ZC3H3: variants seen among roughly 807,000 people sequenced by gnomAD.
ZC3H3 encodes the protein zinc finger CCCH domain-containing protein 3.
In ZC3H3, 36 loss-of-function variants were observed where a neutral mutation model predicts 77.3. The ratio of observed to expected loss-of-function variants is 0.47; its 90% CI spans 0.36 to 0.61. ZC3H3 has a LOEUF of 0.61. Ranked by LOEUF, ZC3H3 falls within the 20% of genes least tolerant of loss-of-function variation. The pLI is 0.00. For synonymous variants in ZC3H3, 626 were observed against 555.2 expected, an observed-to-expected ratio of 1.13 and a Z score of -1.79; for missense variants, 1,331 against 1,312.2, an observed-to-expected ratio of 1.01 and a Z score of -0.22.
chr8:143,537,970 T>C, intron 2 of ZC3H3, 33 bp downstream of exon 2: 1 of 1,562,386 alleles, frequency 6.4e-7, no homozygotes, highest in East Asian at 2.2e-5. Context: ...TCACAGCCCC[T>C]CACACTCTAC....
intron 4 of ZC3H3, among the ~76,000 whole-genome samples, chr8:143,482,298 C>T (rs368126905): frequency 2.6e-5 from 4 of 152,232 alleles, no homozygotes; most frequent in African/African-American, 9.6e-5. Context: ...CTGGGGAGGC[C>T]GGCCCTACTT....
intron 4 of ZC3H3, among the ~76,000 whole-genome samples, chr8:143,485,304 G>A (rs111415029): frequency 9.5e-4 from 145 of 152,340 alleles, no homozygotes; most frequent in African/African-American, 3.2e-3. Flanking sequence ...TGGTGAGGCC[G>A]AGAACCCGGT....
rs1280289656 is a variant in ZC3H3 at position 143,460,289 on chromosome 8, TAAAA to T, written c.2307+5424_2307+5427del. 2.1e-4 allele frequency among the ~76,000 whole-genome samples: 32 copies of T among 150,260 alleles called. 1 individual carries two copies. Among genetic ancestry groups the T allele is most frequent in the Admixed American group, 7.9e-4 (12 of 15,146 alleles). ...ATAAATAAATAAATAAATAAATAAA[TAAAA>T]GGCATCCCAATTGAAAAGGAAGAAG... On this transcript the variant is annotated intron_variant, in intron 9 of 11. Transcript: ENST00000262577. The surrounding 1 kb of genome is among the most constrained non-coding windows in gnomAD (Gnocchi z 4.0).
At chr8:143,532,892 T>C (rs1822664060) in intron 3 of ZC3H3, among the ~76,000 whole-genome samples, 1 of 152,144 alleles carries the variant, frequency 6.6e-6, no homozygotes, top group South Asian at 2.1e-4. Flanking sequence ...TGGCTGTCTC[T>C]GGGGTCAGCC....
chr8:143,477,486 G>A (rs951424496), intron 4 of ZC3H3, among the ~76,000 whole-genome samples: 1 of 152,154 alleles, frequency 6.6e-6, no homozygotes, highest in African/African-American at 2.4e-5. Context: ...AGACCTCCAG[G>A]CTCTCATCAG....
Position 143,539,155 on chromosome 8 carries a change from C to G in ZC3H3, c.212G>C (p.Arg71Pro). Reference protein sequence around the residue: ...GYSSHHGPSWRKKYSLVNRPP... With the variant: ...GYSSHHGPSWPKKYSLVNRPP... Reference sequence around the variant, plus strand: ...CCGATTCACGAGGGAGTATTTCTTGCGCCACGAAGGCCCATGGTGGGAAGA... The same window carrying G: ...CCGATTCACGAGGGAGTATTTCTTGGGCCACGAAGGCCCATGGTGGGAAGA... Residue 71 changes from arginine (R) to proline (P), a missense_variant, in exon 2 of 12, where the codon CGC (arginine) becomes CCC (proline). Transcript: ENST00000262577. 6.2e-7 allele frequency: 1 copy of G among 1,612,932 alleles called. No individual in the cohort carries two copies. The highest frequency in any genetic ancestry group is 1.1e-5 in the South Asian group (1 of 91,080).
chr8:143,485,474 T>C (rs1294874489), intron 4 of ZC3H3, among the ~76,000 whole-genome samples: 1 of 152,176 alleles, frequency 6.6e-6, no homozygotes, highest in Non-Finnish European at 1.5e-5. Context: ...CAGGATCTCA[T>C]TTCAATACAT....
At position 143,462,486 on chromosome 8, in the gene ZC3H3, T is replaced by C. The variant is rs371526628; in HGVS notation, c.2307+3231A>G. ...GGCACCAACAGAGAAGCGCTGTATG[T>C]GAACAAAACCAAGACAGGCGCTGTC... On this transcript the variant is annotated intron_variant, in intron 9 of 11. Transcript: ENST00000262577. The surrounding 1 kb of genome is among the most constrained non-coding windows in gnomAD (Gnocchi z 4.7). Among the ~76,000 whole-genome samples the C allele has an allele frequency of 6.6e-6, 1 of 152,110 alleles. No homozygotes were observed. The highest frequency in any genetic ancestry group is 1.5e-5 in the Non-Finnish European group (1 of 68,038).
Position 143,528,807 on chromosome 8 carries a change from T to G in ZC3H3, c.1561+7450A>C, listed in dbSNP as rs529559053. Among the ~76,000 whole-genome samples the G allele has an allele frequency of 1.8e-4, 28 of 152,242 alleles. 1 individual carries two copies. Among genetic ancestry groups the G allele is most frequent in the African/African-American group, 6.7e-4 (28 of 41,550 alleles). On this transcript the variant is annotated intron_variant, in intron 3 of 11. Coordinates refer to ENST00000262577, the MANE Select transcript of ZC3H3 (RefSeq NM_015117.3). ...GGGGCCTCCTGAGGGAGCGAGGCCC[T>G]CCCTTCTGCCCAGGTCCAGTCCTCT...
At chr8:143,448,669 G>A (rs1819917665) in intron 9 of ZC3H3, among the ~76,000 whole-genome samples, 1 of 152,184 alleles carries the variant, frequency 6.6e-6, no homozygotes, top group Non-Finnish European at 1.5e-5. Flanking sequence ...GCTTTTCCAG[G>A]TGCATGGTGC....
chr8:143,512,591 G>A (rs1821904743), intron 3 of ZC3H3, among the ~76,000 whole-genome samples: 3 of 152,164 alleles, frequency 2.0e-5, no homozygotes, highest in African/African-American at 2.4e-5. Context: ...AGGCAAGCAG[G>A]ACACGGCCTA....
At chr8:143,486,805 C>A (rs1230177258) in intron 4 of ZC3H3, among the ~76,000 whole-genome samples, 1 of 146,876 alleles carries the variant, frequency 6.8e-6, no homozygotes. Context: ...TACACGACCC[C>A]ATCACCACGA....
Position 143,465,750 on chromosome 8 carries a change from G to A in ZC3H3, c.2274C>T (p.Asp758=). Residue 758 remains aspartate (D), a synonymous_variant, in exon 9 of 12, where the codon GAC becomes GAT. Transcript: ENST00000262577. ...YVSRKAEVCS[D]FLKGYCPLGA... ...CCAGGGGGCAGTAGCCTTTGAGGAA[G>A]TCGCTGCAGACCTCGGCCTTGCGGG... The A allele has an allele frequency of 6.2e-7, 1 of 1,613,976 alleles. No homozygotes were observed. The highest frequency in any genetic ancestry group is 8.5e-7 in the Non-Finnish European group (1 of 1,180,008).
intron 3 of ZC3H3, among the ~76,000 whole-genome samples, chr8:143,532,007 C>T (rs1012364363): frequency 6.6e-6 from 1 of 152,258 alleles, no homozygotes; most frequent in Non-Finnish European, 1.5e-5. Context: ...TTGAACGCGG[C>T]AATTACGCTG....
intron 3 of ZC3H3, among the ~76,000 whole-genome samples, chr8:143,515,150 C>T (rs1447108302): frequency 1.3e-5 from 2 of 152,232 alleles, no homozygotes; most frequent in East Asian, 1.9e-4. Flanking sequence ...ATGGGGCTCC[C>T]GCCTCGCTCC....
chr8:143,438,981 T>C (rs1819654745), intron 11 of ZC3H3, among the ~76,000 whole-genome samples: 1 of 152,172 alleles, frequency 6.6e-6, no homozygotes, highest in African/African-American at 2.4e-5. Context: ...CCCGAGCTCC[T>C]GGCCATGGCC....
chr8:143,499,907 C>T (rs756910649), intron 4 of ZC3H3, among the ~76,000 whole-genome samples: 1 of 152,200 alleles, frequency 6.6e-6, no homozygotes, highest in African/African-American at 2.4e-5. Flanking sequence ...CCAGGAGGCC[C>T]GCAGCAGTGC....
chr8:143,483,147 G>T (rs117180954), intron 4 of ZC3H3, among the ~76,000 whole-genome samples: 1 of 152,256 alleles, frequency 6.6e-6, no homozygotes, highest in Non-Finnish European at 1.5e-5. Context: ...GAGCGGCCGG[G>T]GGGAGGCGGC....
chr8:143,475,464 C>T lies in ZC3H3; in HGVS notation c.1837G>A (p.Ala613Thr), dbSNP rs756956433. The T allele has an allele frequency of 5.0e-6, 8 of 1,613,208 alleles. No homozygotes were observed. Among genetic ancestry groups the T allele is most frequent in the Non-Finnish European group, 6.8e-6 (8 of 1,179,954 alleles). Residue 613 changes from alanine (A) to threonine (T), a missense_variant, in exon 5 of 12, where the codon GCC (alanine) becomes ACC (threonine). Ala to Thr is a moderately conservative substitution (Grantham distance 58). Transcript: ENST00000262577. ...CIGGVLYKVSANKLSKTSGQP... is the reference protein window; with the variant it reads ...CIGGVLYKVSTNKLSKTSGQP... Reference sequence around the variant, plus strand: ...CCGGAGGTCTTGGAGAGCTTGTTGGCAGATACTTTGTAGAGGACCCCTCCG... The same window carrying T: ...CCGGAGGTCTTGGAGAGCTTGTTGGTAGATACTTTGTAGAGGACCCCTCCG...
Sources: allele counts gnomAD v4.1 joint callset (sites outside exome capture counted in the v4.1 genomes callset), GRCh38; gene constraint gnomAD v4.1.1; non-coding constraint Gnocchi (gnomAD v3.1); transcripts MANE v1.5; gene names NCBI Gene and HGNC (gene_info 2026-07-23, HGNC 2026-07-21).